ARHGEF1: variants seen among roughly 807,000 people sequenced by gnomAD.
ARHGEF1 encodes the protein Rho guanine nucleotide exchange factor 1.
Under a neutral mutation model 119.7 loss-of-function variants are expected in ARHGEF1, and 40 were observed. The ratio of observed to expected loss-of-function variants is 0.33; its 90% CI spans 0.26 to 0.44. ARHGEF1 has a LOEUF of 0.44. Among genes scored for constraint, ARHGEF1 ranks in the 20% least tolerant of loss-of-function variants. The pLI is 1.00. For synonymous variants in ARHGEF1, 494 were observed against 521.0 expected, an observed-to-expected ratio of 0.95 and a Z score of 0.71; for missense variants, 976 against 1,268.3, an observed-to-expected ratio of 0.77 and a Z score of 3.50.
intron 18 of ARHGEF1, among the ~76,000 whole-genome samples, chr19:41,913,954 C>T (rs1446576642): frequency 6.6e-6 from 1 of 151,158 alleles, no homozygotes; most frequent in Non-Finnish European, 1.5e-5. Context: ...GGAGACCCCC[C>T]AGACGCTCTC....
Position 41,906,669 on chromosome 19 carries a change from G to A in ARHGEF1, c.2656-34G>A, listed in dbSNP as rs1406604197. The stretch of plus-strand genomic sequence containing the variant: ...GCCCTGAGTGGGCTGGGGAAGGAAG[G>A]GGCCCCCCTCATCCATGACCCCCAC... On this transcript the variant is annotated intron_variant, in intron 27 of 28. Coordinates refer to ENST00000354532, the MANE Select transcript of ARHGEF1 (RefSeq NM_004706.4). This position sits in a 1 kb window ranked among gnomAD's most constrained non-coding sequence, Gnocchi z 4.5. 7 of 1,599,150 alleles carry A rather than the reference G, an allele frequency of 4.4e-6. No individual in the cohort carries two copies. The highest frequency in any genetic ancestry group is 6.0e-6 in the Non-Finnish European group (7 of 1,175,158).
chr19:41,887,753 A>G (rs2074315358), intron 1 of ARHGEF1, among the ~76,000 whole-genome samples: 1 of 151,898 alleles, frequency 6.6e-6, no homozygotes, highest in Non-Finnish European at 1.5e-5. Context: ...CTGGGAGTCC[A>G]GGCCCCCAGC....
intron 13 of ARHGEF1, chr19:41,897,210 C>G (rs1555847986): frequency 1.7e-6 from 2 of 1,174,906 alleles, no homozygotes; most frequent in South Asian, 2.6e-5. Flanking sequence ...GCTCTGCCTC[C>G]TGCCCGTCCT....
chr19:41,885,424 C>T (rs1042333304), intron 1 of ARHGEF1, among the ~76,000 whole-genome samples: 13 of 152,108 alleles, frequency 8.5e-5, no homozygotes, highest in African/African-American at 2.7e-4. Context: ...GCTCCCCATG[C>T]TCTGAAGCAA....
chr19:41,907,520 T>C, downstream of ARHGEF1: 1 of 1,009,084 alleles, frequency 9.9e-7, no homozygotes, highest in East Asian at 2.8e-5. Context: ...CTGTCTGGCG[T>C]TGACATCCTG....
At chr19:41,886,747 A>T (rs2074299580) in intron 1 of ARHGEF1, among the ~76,000 whole-genome samples, 1 of 152,238 alleles carries the variant, frequency 6.6e-6, no homozygotes, top group South Asian at 2.1e-4. Context: ...TTGTTTAATC[A>T]TCAAAATCCT....
chr19:41,897,216 G>A (rs962938988), intron 13 of ARHGEF1: 48 of 1,210,446 alleles, frequency 4.0e-5, no homozygotes, highest in Admixed American at 3.3e-4. Flanking sequence ...CCTCCTGCCC[G>A]TCCTTGTGCC....
chr19:41,908,287 C>T (rs1173021663), downstream of ARHGEF1: 12 of 1,231,474 alleles, frequency 9.7e-6, no homozygotes, highest in South Asian at 4.1e-5. The surrounding 1 kb of genome is among the most constrained non-coding windows in gnomAD (Gnocchi z 6.7). Flanking sequence ...AGACCCTCAT[C>T]GCCCTCGCTG....
Position 41,892,954 on chromosome 19 carries a change from C to G in ARHGEF1, c.614+105C>G, listed in dbSNP as rs1657816962. ...CGTTTGCAGGTTCCCTCTTCAGGGT[C>G]AGAGTTCATTTCTTGGCACTGGGGG... is the stretch of plus-strand genomic sequence containing the variant. On this transcript the variant is annotated intron_variant, in intron 7 of 28. Coordinates refer to ENST00000354532, the MANE Select transcript of ARHGEF1 (RefSeq NM_004706.4). The surrounding 1 kb of genome is among the most constrained non-coding windows in gnomAD (Gnocchi z 6.3). The G allele has an allele frequency of 1.4e-6, 2 of 1,409,406 alleles. No individual in the cohort carries two copies. Among genetic ancestry groups the G allele is most frequent in the Non-Finnish European group, 1.9e-6 (2 of 1,078,192 alleles). The allele number at this position is 1,409,406 out of a possible 1,614,324, so 87.3% of individuals were successfully genotyped here. A position where few individuals can be genotyped will look rare whatever the true frequency, so the allele number is the denominator to read the frequency against.
Position 41,929,304 on chromosome 19 carries a change from CACTA to C in ARHGEF1, c.296+321_296+324del, listed in dbSNP as rs541175775. 1.2e-4 allele frequency among the ~76,000 whole-genome samples: 19 copies of C among 152,246 alleles called. 1 individual carries two copies. In the South Asian group the frequency reaches 2.3e-3, roughly 18 times the overall value. ...CACACAGCCTGGACACACAAGCCCT[CACTA>C]ACACATAGGCAGAACCCAGGGCTGG... On this transcript the variant is annotated intron_variant, in intron 2 of 2. Coordinates refer to the ARHGEF1 transcript ENST00000594417.
chr19:41,903,007 C>T lies in ARHGEF1; in HGVS notation c.1738+109C>T. 2 of 920,320 alleles carry T rather than the reference C, an allele frequency of 2.2e-6. No homozygotes were observed. The highest frequency in any genetic ancestry group is 1.6e-6 in the Non-Finnish European group (1 of 625,200). The allele number at this position is 920,320 out of a possible 1,614,324, so 57.0% of individuals were successfully genotyped here. The stretch of plus-strand genomic sequence containing the variant: ...CATCACAGCTCACTGCAGCCTCAAC[C>T]TCCCAGGATCTACCATCCTCCCACC... On this transcript the variant is annotated intron_variant, in intron 18 of 28. Coordinates refer to ENST00000354532, the MANE Select transcript of ARHGEF1 (RefSeq NM_004706.4). This position sits in a 1 kb window ranked among gnomAD's most constrained non-coding sequence, Gnocchi z 4.2.
Position 41,903,681 on chromosome 19 carries a change from C to T in ARHGEF1, c.1840-26C>T, listed in dbSNP as rs369555521. On this transcript the variant is annotated intron_variant, in intron 19 of 28. Coordinates refer to ENST00000354532, the MANE Select transcript of ARHGEF1 (RefSeq NM_004706.4). This position sits in a 1 kb window ranked among gnomAD's most constrained non-coding sequence, Gnocchi z 4.2. ...GTCAGCCCCAGCACTTAGCTTGTCC[C>T]CATAATGCTCCCGTCTCTGCCCCAG... is the stretch of plus-strand genomic sequence containing the variant. 1.9e-5 allele frequency: 30 copies of T among 1,609,960 alleles called. No homozygotes were observed. The highest frequency in any genetic ancestry group is 2.5e-5 in the Non-Finnish European group (30 of 1,179,250).
rs1282569499 is a variant in ARHGEF1, at chr19:41,896,813, CCT to C, written c.1121+337_1121+338del. On this transcript the variant is annotated intron_variant, in intron 13 of 28. Transcript: ENST00000354532. ...CCCCCTCCTCTCTCACCTCCCCTCT[CCT>C]CTCTCACCTCCCCCATCCTCTCTCA... 1,466 of 396,538 alleles carry C rather than the reference CCT, an allele frequency of 3.7e-3. 20 individuals are homozygous for C. The highest frequency in any genetic ancestry group is 0.035 in the African/African-American group (810 of 23,422). The allele number at this position is 396,538 out of a possible 1,614,324, so 24.6% of individuals were successfully genotyped here.
At chr19:41,909,775 G>C, downstream of ARHGEF1, 1 of 1,402,596 alleles carries the variant, frequency 7.1e-7, no homozygotes, top group South Asian at 1.4e-5. This position sits in a 1 kb window ranked among gnomAD's most constrained non-coding sequence, Gnocchi z 5.2. Flanking sequence ...GGATCCAGCA[G>C]GAACCTGCCC....
At chr19:41,901,780 A>G in intron 14 of ARHGEF1, 107 bp from the exon 15 acceptor site, 1 of 1,383,830 alleles carries the variant, frequency 7.2e-7, no homozygotes, top group Non-Finnish European at 9.7e-7. Flanking sequence ...ACCAACTTCT[A>G]GGAAGCTTTC....
rs554606561 is a variant in ARHGEF1, at chr19:41,904,410, G to A, written c.2161+27G>A. On this transcript the variant is annotated intron_variant, in intron 22 of 28. Transcript: ENST00000354532. This position sits in a 1 kb window ranked among gnomAD's most constrained non-coding sequence, Gnocchi z 8.4. The stretch of plus-strand genomic sequence containing the variant: ...TGAGTGCAGCCACTGCATGGCCCAG[G>A]GCAGAGGGTGTCTTTTTTGGGCAGA... The A allele has an allele frequency of 5.1e-5, 78 of 1,523,622 alleles. No homozygotes were observed. In the East Asian group the frequency reaches 1.8e-3, roughly 35 times the overall value. The allele number at this position is 1,523,622 out of a possible 1,614,324, so 94.4% of individuals were successfully genotyped here.
At chr19:41,920,726 C>T (rs371690302), upstream of ARHGEF1, among the ~76,000 whole-genome samples, 204 of 152,376 alleles carry the variant, frequency 1.3e-3, no homozygotes, top group Middle Eastern at 0.01. Context: ...CACACACACT[C>T]GGTCTTCTGC....
chr19:41,892,689 C>G lies in ARHGEF1; in HGVS notation c.454C>G (p.Arg152Gly), dbSNP rs1555846515. ...GCAAAGCCAGCAGGTAGCCGTGGGCCGGCAGCTGGAGGACTTCCGTTCCAA... is the reference window on the plus strand; with the variant it reads ...GCAAAGCCAGCAGGTAGCCGTGGGCGGGCAGCTGGAGGACTTCCGTTCCAA... ...VVQSQQVAVG[R>G]QLEDFRSKRL... The change falls in exon 7 of 29, where the codon CGG becomes GGG. Residue 152 changes from arginine to glycine, a missense_variant. By Grantham distance (125) the Arg-to-Gly change is moderately radical. Coordinates refer to ENST00000354532, the MANE Select transcript of ARHGEF1 (RefSeq NM_004706.4). The surrounding 1 kb of genome is among the most constrained non-coding windows in gnomAD (Gnocchi z 6.3). 1.2e-6 allele frequency: 2 copies of G among 1,613,698 alleles called. No individual in the cohort carries two copies. Among genetic ancestry groups the G allele is most frequent in the Non-Finnish European group, 1.7e-6 (2 of 1,179,912 alleles).
Position 41,916,045 on chromosome 19 carries a change from C to T in ARHGEF1, c.1866-7047C>T, listed in dbSNP as rs1356016125. The stretch of plus-strand genomic sequence containing the variant: ...CCCTTCGCCCCCCATCTCTACCGCC[C>T]GCAGCCATGGCACCGAATGTGTGTG... On this transcript the variant is annotated intron_variant, in intron 18 of 20. Transcript: ENST00000599589. The surrounding 1 kb of genome is among the most constrained non-coding windows in gnomAD (Gnocchi z 5.4). 1.3e-5 allele frequency among the ~76,000 whole-genome samples: 2 copies of T among 152,098 alleles called. No homozygotes were observed. The highest frequency in any genetic ancestry group is 2.4e-5 in the African/African-American group (1 of 41,402).
Sources: gnomAD v4.1 joint callset for allele counts (sites outside exome capture counted in the v4.1 genomes callset) on GRCh38, gnomAD v4.1.1 for gene constraint, Gnocchi (gnomAD v3.1) non-coding constraint, MANE v1.5 for transcripts, NCBI Gene and HGNC (gene_info 2026-07-23, HGNC 2026-07-21) for gene names.